Variants in PPARGC1A observed in about 807,000 individuals in gnomAD.
PPARGC1A encodes PPARG coactivator 1 alpha, also known as peroxisome proliferator-activated receptor gamma coactivator 1-alpha.
In PPARGC1A, 25 loss-of-function variants were observed where a neutral mutation model predicts 88.7. That is an observed-to-expected ratio of 0.28 (90% CI 0.21 to 0.39). The LOEUF (loss-of-function observed/expected upper bound fraction) is 0.39, where lower values mean the gene tolerates loss of function less well. Among genes scored for constraint, PPARGC1A ranks in the 10% least tolerant of loss-of-function variants. The pLI, the probability that PPARGC1A is intolerant of heterozygous loss-of-function variation, is 1.00. For synonymous variants in PPARGC1A, 363 were observed against 355.6 expected (o/e 1.02, Z -0.24); for missense variants, 880 against 968.7 (o/e 0.91, Z 1.22).
At chr4:23,965,743 C>G in the PPARGC1A span, among the ~76,000 whole-genome samples, 1 of 152,126 alleles carries the variant, frequency 6.6e-6, no homozygotes, top group Non-Finnish European at 1.5e-5. Flanking sequence ...ACCCAGGGGT[C>G]CTGATTCCCA....
intron 2 of PPARGC1A, among the ~76,000 whole-genome samples, chr4:23,873,425 T>C (rs1577604231): frequency 1.3e-5 from 2 of 152,064 alleles, no homozygotes; most frequent in South Asian, 2.1e-4. Flanking sequence ...ATGAGGAAGG[T>C]TGAACACATC....
chr4:23,866,632 C>T (rs140438344), intron 2 of PPARGC1A, among the ~76,000 whole-genome samples: 18 of 152,222 alleles, frequency 1.2e-4, no homozygotes, highest in Admixed American at 9.2e-4. Flanking sequence ...GATGCAATGC[C>T]GAAAGACTCT....
the PPARGC1A span, among the ~76,000 whole-genome samples, chr4:24,009,134 A>AT: frequency 3.2e-5 from 1 of 31,374 alleles, no homozygotes; most frequent in Non-Finnish European, 1.2e-4. Context: ...CGCAGTCTAT[A>AT]AAAAAAAAAA....
the PPARGC1A span, among the ~76,000 whole-genome samples, chr4:24,319,578 G>T: frequency 1.3e-5 from 2 of 152,146 alleles, no homozygotes; most frequent in African/African-American, 4.8e-5. Context: ...CAATAAATGG[G>T]TTGAACACGG....
At chr4:24,290,347 A>G in the PPARGC1A span, among the ~76,000 whole-genome samples, 139 of 152,124 alleles carry the variant, frequency 9.1e-4, no homozygotes, top group African/African-American at 3.1e-3. Flanking sequence ...CACCCAATTT[A>G]TAGTCTTTTA....
the PPARGC1A span, among the ~76,000 whole-genome samples, chr4:23,977,355 C>T: frequency 1.3e-5 from 2 of 152,068 alleles, no homozygotes; most frequent in African/African-American, 4.8e-5. Flanking sequence ...AAATTAAATC[C>T]AAAGCAAAAT....
chr4:24,405,983 C>T, the PPARGC1A span, among the ~76,000 whole-genome samples: 5 of 152,000 alleles, frequency 3.3e-5, no homozygotes, highest in Non-Finnish European at 5.9e-5. Flanking sequence ...TTCATTTCTT[C>T]GTTTTCCTCC....
chr4:24,139,257 CCAAGTAGCTGGGACTA>C, the PPARGC1A span, among the ~76,000 whole-genome samples: 1 of 152,000 alleles, frequency 6.6e-6, no homozygotes, highest in Admixed American at 6.6e-5. Flanking sequence ...CCTCAGCCTC[CCAAGTAGCTGGGACTA>C]CAGGCACCTG....
At chr4:24,343,371 T>C in the PPARGC1A span, among the ~76,000 whole-genome samples, 1 of 152,200 alleles carries the variant, frequency 6.6e-6, no homozygotes, top group Admixed American at 6.5e-5. Flanking sequence ...TAGTGCCTTA[T>C]AAACGGCTTG....
chr4:24,449,531 C>CAAGG, the PPARGC1A span, among the ~76,000 whole-genome samples: 1 of 152,180 alleles, frequency 6.6e-6, no homozygotes, highest in Admixed American at 6.5e-5. Context: ...CCATCAAAGC[C>CAAGG]AAGGCTCTAG....
the PPARGC1A span, among the ~76,000 whole-genome samples, chr4:24,242,130 C>G: frequency 6.6e-6 from 1 of 152,196 alleles, no homozygotes; most frequent in Non-Finnish European, 1.5e-5. Flanking sequence ...TGCAACATGA[C>G]CTTACACTGG....
At chr4:23,858,816 T>C (rs1415299616) in intron 2 of PPARGC1A, among the ~76,000 whole-genome samples, 2 of 152,076 alleles carry the variant, frequency 1.3e-5, no homozygotes, top group Non-Finnish European at 2.9e-5. Flanking sequence ...ATTTGCCTTT[T>C]AGCCTTTTTA....
the PPARGC1A span, among the ~76,000 whole-genome samples, chr4:24,002,251 C>G: frequency 6.6e-5 from 10 of 152,096 alleles, no homozygotes; most frequent in Non-Finnish European, 1.0e-4. Context: ...CCTCAGCCTC[C>G]AGAGTAGCTG....
In PPARGC1A at chr4:23,872,437, G is replaced by C. The variant is rs570295128; in HGVS notation, c.234+12315C>G. 9.2e-5 allele frequency among the ~76,000 whole-genome samples: 14 copies of C among 152,218 alleles called. No homozygotes were observed. The South Asian group carries it at 2.1e-3, about 23-fold the overall frequency. On this transcript the variant is annotated intron_variant, in intron 2 of 12. Coordinates refer to ENST00000264867, the MANE Select transcript of PPARGC1A (RefSeq NM_013261.5). ...CTCAAATATTCTGTCCCACTGCCCT[G>C]CATTTGTTGGGGCAGTGGGACAGAT... is the stretch of plus-strand genomic sequence containing the variant.
At chr4:23,859,297 G>A (rs993414780) in intron 2 of PPARGC1A, among the ~76,000 whole-genome samples, 6 of 152,178 alleles carry the variant, frequency 3.9e-5, no homozygotes, top group Non-Finnish European at 7.3e-5. Flanking sequence ...CAGACACAGA[G>A]CCACTAGCGA....
chr4:24,264,111 G>A, the PPARGC1A span, among the ~76,000 whole-genome samples: 2 of 151,318 alleles, frequency 1.3e-5, no homozygotes, highest in Admixed American at 1.3e-4. Context: ...ATAAAGTATA[G>A]AATACTTATA....
the PPARGC1A span, among the ~76,000 whole-genome samples, chr4:24,355,328 A>AAAAC: frequency 6.6e-6 from 1 of 152,218 alleles, no homozygotes; most frequent in East Asian, 1.9e-4. Flanking sequence ...AAACAAAACA[A>AAAAC]AAACAAACAA....
chr4:24,370,428 CACAT>C, the PPARGC1A span, among the ~76,000 whole-genome samples: 1 of 152,224 alleles, frequency 6.6e-6, no homozygotes, highest in South Asian at 2.1e-4. Context: ...CATAAGGAGA[CACAT>C]ACAAATAACA....
intron 2 of PPARGC1A, among the ~76,000 whole-genome samples, chr4:23,870,817 T>C (rs965610850): frequency 6.6e-6 from 1 of 152,112 alleles, no homozygotes; most frequent in African/African-American, 2.4e-5. Context: ...CCAGTATGAA[T>C]TATAAAAATA....
Sources: allele counts gnomAD v4.1 joint callset (sites outside exome capture counted in the v4.1 genomes callset), GRCh38; gene constraint gnomAD v4.1.1; transcripts MANE v1.5; gene names NCBI Gene and HGNC (gene_info 2026-07-23, HGNC 2026-07-21).